Variants in SMG6 observed in about 807,000 individuals in gnomAD.
The protein encoded by SMG6 is telomerase-binding protein EST1A.
Under a neutral mutation model 142.2 loss-of-function variants are expected in SMG6, and 66 were observed. The observed-to-expected ratio is 0.46, with a 90% confidence interval of 0.38 to 0.57. The LOEUF is 0.57. Among genes scored for constraint, SMG6 ranks in the 20% least tolerant of loss-of-function variants. SMG6 has a pLI of 0.00. For synonymous variants in SMG6, 779 were observed against 702.4 expected, an observed-to-expected ratio of 1.11 and a Z score of -1.72; for missense variants, 1,793 against 1,832.0, an observed-to-expected ratio of 0.98 and a Z score of 0.39.
At chr17:2,128,209 G>C (rs982057126) in intron 13 of SMG6, among the ~76,000 whole-genome samples, 1 of 152,252 alleles carries the variant, frequency 6.6e-6, no homozygotes, top group Non-Finnish European at 1.5e-5. Context: ...GCATACCCAA[G>C]GCACGAGTGC....
chr17:2,274,422 T>C (rs906915583), intron 8 of SMG6, among the ~76,000 whole-genome samples: 2 of 151,736 alleles, frequency 1.3e-5, no homozygotes, highest in African/African-American at 4.8e-5. Flanking sequence ...CCTGAACAAG[T>C]CCTGAAAAAA....
At chr17:2,177,833 A>G (rs766406552) in intron 12 of SMG6, among the ~76,000 whole-genome samples, 3 of 152,214 alleles carry the variant, frequency 2.0e-5, no homozygotes, top group Non-Finnish European at 4.4e-5. Context: ...TGTGGTACAG[A>G]CACAAAGACA....
chr17:2,269,134 G>A (rs1393786065), intron 8 of SMG6, among the ~76,000 whole-genome samples: 5 of 150,530 alleles, frequency 3.3e-5, no homozygotes, highest in Non-Finnish European at 5.9e-5. Flanking sequence ...GCAGGAGAAT[G>A]GTTTGAACCT....
chr17:2,268,293 T>C (rs2074467922), intron 8 of SMG6, among the ~76,000 whole-genome samples: 1 of 152,148 alleles, frequency 6.6e-6, no homozygotes, highest in Non-Finnish European at 1.5e-5. Flanking sequence ...TTAGAACTCA[T>C]TCCAACAGAA....
At chr17:2,100,085 T>G (rs1407796914) in intron 13 of SMG6, among the ~76,000 whole-genome samples, 3 of 151,090 alleles carry the variant, frequency 2.0e-5, no homozygotes, top group Admixed American at 1.3e-4. Context: ...TTGCCCAGGC[T>G]GGCGTGCAGT....
chr17:2,282,741 C>T lies in SMG6; in HGVS notation c.2567G>A (p.Trp856Ter). 1 of 1,614,190 alleles carries T rather than the reference C, an allele frequency of 6.2e-7. No homozygotes were observed. The highest frequency in any genetic ancestry group is 8.5e-7 in the Non-Finnish European group (1 of 1,180,048). The change falls in exon 8 of 19, where the codon TGG becomes TAG. Residue 856 changes from tryptophan (W) to a stop codon, truncating the protein, a stop_gained. Transcript: ENST00000263073. LOFTEE classifies it high-confidence loss of function. ...VGDDTTRLEI[W>*]IHPSHPRSSQ... ...AGACCGTGGATGGGATGGATGAATC[C>T]AGATCTCCAGGCGAGTGGTGTCATC... is the stretch of plus-strand genomic sequence containing the variant.
At chr17:2,145,916 C>T (rs958151392) in intron 13 of SMG6, among the ~76,000 whole-genome samples, 1 of 151,962 alleles carries the variant, frequency 6.6e-6, no homozygotes, top group Non-Finnish European at 1.5e-5. Flanking sequence ...ATGAATGATG[C>T]TCTATCTAAA....
chr17:2,070,151 G>C (rs1179160525), intron 15 of SMG6, among the ~76,000 whole-genome samples: 1 of 152,158 alleles, frequency 6.6e-6, no homozygotes, highest in Non-Finnish European at 1.5e-5. Context: ...GGAAGTTCCC[G>C]AGAGATGCAC....
chr17:2,060,182 T>C lies in SMG6; in HGVS notation c.*1310A>G, dbSNP rs903645758. ...CTGGGGTATCCCCCACTGGTCCCAT[T>C]AAGATTTGCCCCTGGCTCCACCGAA... is the stretch of plus-strand genomic sequence containing the variant. On this transcript the variant is annotated 3_prime_UTR_variant, in exon 19 of 19. Coordinates refer to ENST00000263073, the MANE Select transcript of SMG6 (RefSeq NM_017575.5). 8 of 152,276 alleles carry C rather than the reference T, an allele frequency of 5.3e-5. No individual in the cohort carries two copies. The highest frequency in any genetic ancestry group is 1.9e-4 in the African/African-American group (8 of 41,448). The allele number at this position is 152,276 out of a possible 1,614,324, so 9.4% of individuals were successfully genotyped here.
intron 12 of SMG6, among the ~76,000 whole-genome samples, chr17:2,175,395 C>T (rs556397495): frequency 2.0e-5 from 3 of 152,098 alleles, no homozygotes; most frequent in East Asian, 3.9e-4. Context: ...AAATTACCCA[C>T]GGCTGCCACA....
At position 2,284,731 on chromosome 17, in the gene SMG6, G is replaced by T. The variant is rs529372250; in HGVS notation, c.2338-996C>A. The stretch of plus-strand genomic sequence containing the variant: ...CTGAATTCGGTCTTGCATTTATTAG[G>T]TATGACACAGCACGTTAACCTAGAG... On this transcript the variant is annotated intron_variant, in intron 6 of 18. Transcript: ENST00000263073. Among the ~76,000 whole-genome samples the T allele has an allele frequency of 9.9e-5, 15 of 152,234 alleles. No homozygotes were observed. In the East Asian group the frequency reaches 2.7e-3, roughly 27 times the overall value.
intron 10 of SMG6, among the ~76,000 whole-genome samples, chr17:2,205,590 A>G (rs1213056403): frequency 1.3e-5 from 2 of 152,106 alleles, no homozygotes; most frequent in Non-Finnish European, 2.9e-5. Context: ...TTTGACTTAA[A>G]ATTTCCTGTC....
chr17:2,092,333 G>A (rs2068749741), intron 13 of SMG6, among the ~76,000 whole-genome samples: 1 of 152,172 alleles, frequency 6.6e-6, no homozygotes, highest in Non-Finnish European at 1.5e-5. Context: ...TGGGTCACAA[G>A]ATGAAATGCT....
intron 8 of SMG6, among the ~76,000 whole-genome samples, chr17:2,268,992 A>C (rs548032831): frequency 1.5e-4 from 23 of 151,682 alleles, no homozygotes; most frequent in Non-Finnish European, 3.1e-4. Context: ...ATCACGAGGT[A>C]AGGAGATCGA....
At chr17:2,099,489 A>C (rs1269108065) in intron 13 of SMG6, among the ~76,000 whole-genome samples, 2 of 148,558 alleles carry the variant, frequency 1.3e-5, no homozygotes, top group African/African-American at 4.9e-5. Context: ...TCATGCTTTG[A>C]AAAAAAAAAA....
At chr17:2,226,362 C>T (rs552723318) in intron 10 of SMG6, among the ~76,000 whole-genome samples, 105 of 151,698 alleles carry the variant, frequency 6.9e-4, no homozygotes, top group African/African-American at 1.9e-3. Flanking sequence ...GGGTGGATCA[C>T]GAGGTCAGAA....
rs76077468 is a variant in SMG6 at position 2,146,263 on chromosome 17, G to A, written c.3357+26395C>T. ...ACATGCTTACTTTAGATGGGCAGGT[G>A]ATGGGGCCAATGCATCCACATCCCT... is the stretch of plus-strand genomic sequence containing the variant. On this transcript the variant is annotated intron_variant, in intron 13 of 18. Coordinates refer to ENST00000263073, the MANE Select transcript of SMG6 (RefSeq NM_017575.5). Among the ~76,000 whole-genome samples the A allele has an allele frequency of 1.3e-3, 196 of 152,300 alleles. 6 individuals carry two copies. In the East Asian group the frequency reaches 0.028, roughly 22 times the overall value.
intron 13 of SMG6, among the ~76,000 whole-genome samples, chr17:2,129,793 C>CAAAAAAAAAAAAAAAAAAA (rs57556112): frequency 1.8e-5 from 1 of 56,320 alleles, no homozygotes; most frequent in Non-Finnish European, 3.3e-5. Context: ...GGCTCTGTCT[C>CAAAAAAAAAAAAAAAAAAA]AAAAAAAAAA....
At chr17:2,171,721 T>C (rs1418049945) in intron 13 of SMG6, among the ~76,000 whole-genome samples, 1 of 149,882 alleles carries the variant, frequency 6.7e-6, no homozygotes, top group African/African-American at 2.5e-5. Context: ...GGCTCATGTT[T>C]GGAATTTTTA....
Sources: gnomAD v4.1 joint callset for allele counts (sites outside exome capture counted in the v4.1 genomes callset) on GRCh38, gnomAD v4.1.1 for gene constraint, MANE v1.5 for transcripts, NCBI Gene and HGNC (gene_info 2026-07-23, HGNC 2026-07-21) for gene names.